CIB4: variants seen among roughly 807,000 people sequenced by gnomAD.
The protein encoded by CIB4 is calcium and integrin binding family member 4, also known as calcium and integrin-binding family member 4.
A neutral mutation model predicts 25.8 loss-of-function variants in CIB4; 25 were observed. That is an observed-to-expected ratio of 0.97 (90% CI 0.71 to 1.35). CIB4 has a LOEUF of 1.35. Among genes scored for constraint, CIB4 ranks in the 40% most tolerant of loss-of-function variants. CIB4 has a pLI of 0.00. For synonymous variants in CIB4, 75 were observed against 81.4 expected, an observed-to-expected ratio of 0.92 and a Z score of 0.42; for missense variants, 235 against 228.2, an observed-to-expected ratio of 1.03 and a Z score of -0.19.
intron 3 of CIB4, among the ~76,000 whole-genome samples, chr2:26,620,160 C>G (rs917757662): frequency 1.4e-5 from 2 of 147,188 alleles, no homozygotes; most frequent in African/African-American, 5.4e-5. Context: ...TGACACCACC[C>G]CAATCTCCAT....
rs1412886125 is a variant in CIB4 at position 26,595,373 on chromosome 2, C to G, written c.187-56G>C. The G allele has an allele frequency of 1.9e-6, 3 of 1,572,346 alleles. No homozygotes were observed. In the South Asian group the frequency reaches 3.4e-5, roughly 18 times the overall value. ...TCTATCAGGGTCGGGGCTGTGTCTC[C>G]CTGGGTCTCTCTCATCTATTACAAA... On this transcript the variant is annotated intron_variant, in intron 3 of 6. Transcript: ENST00000288861.
intron 1 of CIB4, 34 bp from the exon 2 acceptor site, chr2:26,640,601 T>C: frequency 1.2e-6 from 2 of 1,606,300 alleles, no homozygotes; most frequent in Non-Finnish European, 8.5e-7. Flanking sequence ...ACGTGTCCAC[T>C]CCATTCATCC....
intron 3 of CIB4, among the ~76,000 whole-genome samples, chr2:26,606,683 G>A (rs947181060): frequency 2.0e-5 from 3 of 152,176 alleles, no homozygotes; most frequent in Admixed American, 6.5e-5. Context: ...AGGGAGCATG[G>A]AGGGTGAGAA....
At chr2:26,628,306 G>A (rs1454481395) in intron 3 of CIB4, among the ~76,000 whole-genome samples, 1 of 152,178 alleles carries the variant, frequency 6.6e-6, no homozygotes, top group Admixed American at 6.5e-5. Context: ...GAGGTGGGGG[G>A]AGCAGGGACA....
In CIB4 at chr2:26,607,736, C is replaced by T. The variant is rs146836912; in HGVS notation, c.187-12419G>A. 3.1e-3 allele frequency among the ~76,000 whole-genome samples: 478 copies of T among 152,358 alleles called. 5 individuals are homozygous for T. The highest frequency in any genetic ancestry group is 4.4e-3 in the Non-Finnish European group (302 of 68,040). ...ATCAGCACCACCAGCACCACCAACA[C>T]TCCTGGCTCTGGTAGAGCTGTTCAT... On this transcript the variant is annotated intron_variant, in intron 3 of 6. Transcript: ENST00000288861.
chr2:26,606,849 T>C (rs1002895269), intron 3 of CIB4, among the ~76,000 whole-genome samples: 3 of 152,154 alleles, frequency 2.0e-5, no homozygotes, highest in African/African-American at 4.8e-5. Flanking sequence ...TGTCTCCTAG[T>C]GACAGATGGG....
chr2:26,605,981 C>T (rs921419868), intron 3 of CIB4, among the ~76,000 whole-genome samples: 4 of 152,182 alleles, frequency 2.6e-5, no homozygotes, highest in Admixed American at 2.6e-4. Flanking sequence ...GAGGAATCGC[C>T]ATGAGTCCCA....
At chr2:26,612,230 T>C (rs1280764755) in intron 3 of CIB4, among the ~76,000 whole-genome samples, 1 of 152,198 alleles carries the variant, frequency 6.6e-6, no homozygotes, top group Non-Finnish European at 1.5e-5. Context: ...ATGTGCACTC[T>C]TCTCCTGTAA....
Position 26,622,132 on chromosome 2 carries a change from G to A in CIB4, c.186+7278C>T, listed in dbSNP as rs533064308. On this transcript the variant is annotated intron_variant, in intron 3 of 6. Transcript: ENST00000288861. ...TCCCAGCATTTTGGGAGGCCGAGGCGGGTGGATCGCCTGAGGTCAGGAGTT... is the reference window on the plus strand; with the variant it reads ...TCCCAGCATTTTGGGAGGCCGAGGCAGGTGGATCGCCTGAGGTCAGGAGTT... 1.1e-4 allele frequency among the ~76,000 whole-genome samples: 17 copies of A among 152,106 alleles called. No individual in the cohort carries two copies. The South Asian group carries it at 1.2e-3, about 11-fold the overall frequency.
chr2:26,622,964 C>T (rs1376635933), intron 3 of CIB4, among the ~76,000 whole-genome samples: 1 of 151,940 alleles, frequency 6.6e-6, no homozygotes, highest in South Asian at 2.1e-4. Context: ...ACATGGGCAA[C>T]AGAGTGAGAC....
chr2:26,602,694 C>T (rs1668815006), intron 3 of CIB4, among the ~76,000 whole-genome samples: 1 of 152,126 alleles, frequency 6.6e-6, no homozygotes, highest in South Asian at 2.1e-4. Context: ...ACCATCCTCA[C>T]CAAATGATCA....
chr2:26,598,390 A>T (rs1668720117), intron 3 of CIB4, among the ~76,000 whole-genome samples: 2 of 151,850 alleles, frequency 1.3e-5, no homozygotes, highest in African/African-American at 2.4e-5. Flanking sequence ...GCTAAAAATG[A>T]CTCTGTGACT....
intron 4 of CIB4, among the ~76,000 whole-genome samples, chr2:26,585,735 T>C (rs574612765): frequency 1.3e-5 from 2 of 152,168 alleles, no homozygotes; most frequent in Admixed American, 1.3e-4. Context: ...TATAGGCTAA[T>C]GAATGCCAAA....
At chr2:26,589,133 T>C (rs1011357346) in intron 4 of CIB4, among the ~76,000 whole-genome samples, 14 of 131,146 alleles carry the variant, frequency 1.1e-4, no homozygotes, top group Non-Finnish European at 1.6e-4. Flanking sequence ...TTCTTCTTCT[T>C]CTTCTTCTCC....
At chr2:26,584,273 G>T (rs1173575598) in intron 4 of CIB4, among the ~76,000 whole-genome samples, 4 of 152,170 alleles carry the variant, frequency 2.6e-5, no homozygotes, top group Non-Finnish European at 5.9e-5. Context: ...CAGCCAGGCT[G>T]ACCTCCGAGC....
At chr2:26,628,990 G>A (rs1669361912) in intron 3 of CIB4, among the ~76,000 whole-genome samples, 1 of 152,168 alleles carries the variant, frequency 6.6e-6, no homozygotes. Flanking sequence ...AGTAAGGAAT[G>A]AGCAAACAGA....
intron 3 of CIB4, among the ~76,000 whole-genome samples, chr2:26,604,002 TA>T (rs1213333682): frequency 0.027 from 2,798 of 103,114 alleles, 69 homozygotes; most frequent in African/African-American, 0.076. Context: ...GAGCATACCT[TA>T]AAAAAAAAAA....
chr2:26,589,877 C>T (rs987919112), intron 4 of CIB4, among the ~76,000 whole-genome samples: 1 of 152,098 alleles, frequency 6.6e-6, no homozygotes, highest in Non-Finnish European at 1.5e-5. Flanking sequence ...TGTCCTGATC[C>T]CTTCTCCTAT....
At chr2:26,610,271 T>C (rs1310082299) in intron 3 of CIB4, among the ~76,000 whole-genome samples, 1 of 152,190 alleles carries the variant, frequency 6.6e-6, no homozygotes, top group Non-Finnish European at 1.5e-5. Flanking sequence ...CAAACACATC[T>C]AAGCAACAAT....
Sources: allele counts gnomAD v4.1 joint callset (sites outside exome capture counted in the v4.1 genomes callset), GRCh38; gene constraint gnomAD v4.1.1; transcripts MANE v1.5; gene names NCBI Gene and HGNC (gene_info 2026-07-23, HGNC 2026-07-21).